FRMD6: variants seen among roughly 807,000 people sequenced by gnomAD.
FRMD6 encodes FERM domain containing 6, also known as FERM domain-containing protein 6.
In FRMD6, 37 loss-of-function variants were observed where a neutral mutation model predicts 73.2. That is an observed-to-expected ratio of 0.51 (90% CI 0.39 to 0.66). FRMD6 has a LOEUF of 0.66. Among genes scored for constraint, FRMD6 ranks in the 30% least tolerant of loss-of-function variants. The probability of loss-of-function intolerance (pLI) is 0.00; values close to 1 mark genes in which losing one functional copy is unlikely to be tolerated. For missense variants in FRMD6, 714 were observed against 780.5 expected (o/e 0.91, Z 1.02); for synonymous variants, 273 against 282.2 (o/e 0.97, Z 0.33).
At chr14:51,462,472 G>A in the FRMD6 span, among the ~76,000 whole-genome samples, 2 of 152,006 alleles carry the variant, frequency 1.3e-5, no homozygotes, top group African/African-American at 4.8e-5. Context: ...GCAGGCCCTT[G>A]CTGAGTTTAG....
intron 2 of FRMD6, among the ~76,000 whole-genome samples, chr14:51,618,180 G>T (rs1465051374): frequency 6.6e-6 from 1 of 152,122 alleles, no homozygotes; most frequent in African/African-American, 2.4e-5. Context: ...GCCTTAGTCT[G>T]GGTGTAAAAC....
intron 2 of FRMD6, among the ~76,000 whole-genome samples, chr14:51,615,574 C>A (rs1182422669): frequency 1.3e-5 from 2 of 152,130 alleles, no homozygotes; most frequent in Non-Finnish European, 2.9e-5. Context: ...CATCATTCTG[C>A]CCAAGAAGCT....
intron 2 of FRMD6, among the ~76,000 whole-genome samples, chr14:51,627,817 G>A (rs1221952272): frequency 6.6e-6 from 1 of 152,166 alleles, no homozygotes; most frequent in Non-Finnish European, 1.5e-5. Flanking sequence ...AGAGTCACAG[G>A]ACAGTGAATA....
chr14:51,638,281 T>TA (rs879547597), intron 2 of FRMD6, among the ~76,000 whole-genome samples: 111 of 149,384 alleles, frequency 7.4e-4, no homozygotes, highest in Middle Eastern at 3.5e-3. Context: ...GACCTTGTCT[T>TA]AAAAAAAAAA....
Position 51,720,173 on chromosome 14 carries a change from G to A in FRMD6, c.1143G>A (p.Leu381=). Residue 381 remains leucine (L), a synonymous_variant, in exon 11 of 14, where the codon CTG becomes CTA. Coordinates refer to ENST00000344768, the MANE Select transcript of FRMD6 (RefSeq NM_001267046.2). ...SSAGSMKHKR[L]SRHSTASHSS... is the part of the protein sequence containing the mutation. ...CGGGCAGCATGAAACACAAGCGCCT[G>A]TCCCGTCATTCCACCGCCAGCCACA... is the stretch of plus-strand genomic sequence containing the variant. 6.2e-7 allele frequency: 1 copy of A among 1,614,018 alleles called. No homozygotes were observed. The highest frequency in any genetic ancestry group is 8.5e-7 in the Non-Finnish European group (1 of 1,180,034).
chr14:51,712,255 G>A lies in FRMD6; in HGVS notation c.781-228G>A, dbSNP rs541243475. 2.0e-5 allele frequency among the ~76,000 whole-genome samples: 3 copies of A among 152,280 alleles called. No homozygotes were observed. In the East Asian group the frequency reaches 5.8e-4, roughly 29 times the overall value. On this transcript the variant is annotated intron_variant, in intron 8 of 13. Coordinates refer to ENST00000344768, the MANE Select transcript of FRMD6 (RefSeq NM_001267046.2). ...ATTTAAATTTAGGCATACACCAGAAGGGAAAAGATTGCCTTAAAAGGGTTA... is the reference window on the plus strand; with the variant it reads ...ATTTAAATTTAGGCATACACCAGAAAGGAAAAGATTGCCTTAAAAGGGTTA...
the FRMD6 span, among the ~76,000 whole-genome samples, chr14:51,407,083 C>T: frequency 6.6e-6 from 1 of 151,886 alleles, no homozygotes; most frequent in Admixed American, 6.6e-5. Context: ...TCTAAGTTTC[C>T]ACATTTCCTA....
At chr14:51,689,030 T>C (rs1223852128) in intron 1 of FRMD6, among the ~76,000 whole-genome samples, 2 of 152,236 alleles carry the variant, frequency 1.3e-5, no homozygotes, top group Admixed American at 1.3e-4. Context: ...TATCTGTGTA[T>C]TAATTGGCTT....
chr14:51,508,785 T>C (rs2140245252), intron 1 of FRMD6, among the ~76,000 whole-genome samples: 1 of 152,352 alleles, frequency 6.6e-6, no homozygotes, highest in South Asian at 2.1e-4. Flanking sequence ...AAGCTTGATT[T>C]CTCTGTGATG....
At chr14:51,508,708 T>C (rs1250036030) in intron 1 of FRMD6, among the ~76,000 whole-genome samples, 3 of 152,170 alleles carry the variant, frequency 2.0e-5, no homozygotes, top group African/African-American at 7.2e-5. Context: ...TCCCCTCTCT[T>C]CACAAAACAA....
intron 1 of FRMD6, among the ~76,000 whole-genome samples, chr14:51,536,454 G>T (rs1885897264): frequency 6.6e-6 from 1 of 151,166 alleles, no homozygotes; most frequent in Non-Finnish European, 1.5e-5. Context: ...TCTCGCTCTT[G>T]TCCCCCAGGC....
chr14:51,494,665 A>C (rs1328685495), intron 1 of FRMD6, among the ~76,000 whole-genome samples: 4 of 152,182 alleles, frequency 2.6e-5, no homozygotes, highest in African/African-American at 4.8e-5. Context: ...TCATGGGGGC[A>C]GCCTCACCCC....
At chr14:51,561,268 A>G (rs937536580) in intron 1 of FRMD6, among the ~76,000 whole-genome samples, 58 of 152,312 alleles carry the variant, frequency 3.8e-4, no homozygotes, top group African/African-American at 1.2e-3. Context: ...CAGACTATCA[A>G]TATGGTCTTT....
intron 1 of FRMD6, among the ~76,000 whole-genome samples, chr14:51,512,508 A>C (rs942451880): frequency 1.2e-4 from 18 of 152,182 alleles, no homozygotes; most frequent in African/African-American, 4.1e-4. Flanking sequence ...GTCATCCATC[A>C]AGGCTGCCAC....
chr14:51,556,702 A>G (rs1273597263), intron 1 of FRMD6, among the ~76,000 whole-genome samples: 1 of 152,196 alleles, frequency 6.6e-6, no homozygotes, highest in Non-Finnish European at 1.5e-5. Flanking sequence ...AGTTTTTAGG[A>G]GGATTAATGT....
intron 1 of FRMD6, among the ~76,000 whole-genome samples, chr14:51,662,440 CA>C (rs1222210821): frequency 6.6e-6 from 1 of 152,044 alleles, no homozygotes; most frequent in African/African-American, 2.4e-5. Flanking sequence ...GATACTGGTA[CA>C]AAAACAGACA....
At chr14:51,575,633 C>G (rs960341116) in intron 2 of FRMD6, 1 of 152,060 alleles carries the variant, frequency 6.6e-6, no homozygotes, top group African/African-American at 2.4e-5. Context: ...TTTTCTTCTT[C>G]GTCACAATGG....
chr14:51,505,102 A>C (rs558471702), intron 1 of FRMD6, among the ~76,000 whole-genome samples: 1 of 152,330 alleles, frequency 6.6e-6, no homozygotes, highest in Admixed American at 6.5e-5. Context: ...TTCTACCCAG[A>C]GGTAGGGCTG....
intron 2 of FRMD6, among the ~76,000 whole-genome samples, chr14:51,644,558 C>G (rs1182852249): frequency 1.3e-5 from 2 of 152,184 alleles, no homozygotes; most frequent in African/African-American, 4.8e-5. Context: ...AAAGGAGAGA[C>G]AGTTAACATA....
Sources: gnomAD v4.1 joint callset for allele counts (sites outside exome capture counted in the v4.1 genomes callset) on GRCh38, gnomAD v4.1.1 for gene constraint, MANE v1.5 for transcripts, NCBI Gene and HGNC (gene_info 2026-07-23, HGNC 2026-07-21) for gene names.